The following OAS3 variants were observed in gnomAD, a reference collection of about 807,000 sequenced individuals.
OAS3 encodes the protein 2'-5'-oligoadenylate synthetase 3.
A neutral mutation model predicts 113.0 loss-of-function variants in OAS3; 107 were observed. The observed-to-expected ratio is 0.95, with a 90% CI of 0.81 to 1.11. The LOEUF is 1.11. Ranked by LOEUF, OAS3 falls within the 50% of genes most tolerant of loss-of-function variation. The pLI is 0.00. For synonymous variants in OAS3, 552 were observed against 573.6 expected (o/e 0.96, Z 0.54); for missense variants, 1,258 against 1,389.1 (o/e 0.91, Z 1.50).
At chr12:112,964,588 A>G (rs1423858457) in intron 11 of OAS3, among the ~76,000 whole-genome samples, 180 bp downstream of exon 11, 1 of 151,864 alleles carries the variant, frequency 6.6e-6, no homozygotes, top group Non-Finnish European at 1.5e-5. Flanking sequence ...ATGTCCAACA[A>G]GTCTCTTTTG....
At position 112,965,846 on chromosome 12, in the gene OAS3, C is replaced by T. The variant is rs766861655; in HGVS notation, c.2506C>T (p.Arg836Trp). 4.3e-6 allele frequency: 7 copies of T among 1,613,700 alleles called. No individual in the cohort carries two copies. The highest frequency in any genetic ancestry group is 1.7e-5 in the Admixed American group (1 of 59,986). Reference sequence around the variant, plus strand: ...CCAGTTCACTGAGCAGGGCAACAAGCGGGCCGAGATCATCTCCGAGATCCG... The same window carrying T: ...CCAGTTCACTGAGCAGGGCAACAAGTGGGCCGAGATCATCTCCGAGATCCG... The part of the protein sequence containing the change: ...FSQFTEQGNK[R>W]AEIISEIRAQ... Residue 836 changes from arginine (R) to tryptophan (W), a missense_variant, in exon 12 of 16, where the codon CGG becomes TGG. Transcript: ENST00000228928.
intron 12 of OAS3, 71 bp from the exon 13 acceptor site, chr12:112,967,347 G>A (rs80176230): frequency 0.022 from 30,888 of 1,435,940 alleles, 385 homozygotes; most frequent in Non-Finnish European, 0.026. Flanking sequence ...GATCTCAGAA[G>A]TCCTTTCTAA....
Position 112,944,888 on chromosome 12 carries a change from A to G in OAS3, c.636+237A>G, listed in dbSNP as rs941903314. 3 of 542,084 alleles carry G rather than the reference A, an allele frequency of 5.5e-6. No individual in the cohort carries two copies. The African/African-American group carries it at 5.7e-5, about 10-fold the overall frequency. The allele number at this position is 542,084 out of a possible 1,614,324, so 33.6% of individuals were successfully genotyped here. On this transcript the variant is annotated intron_variant, in intron 3 of 15. Transcript: ENST00000228928. ...TTAGTTAATATAATGCATTCTTCCA[A>G]TAGTCTTCCAGTCTGTGTCTTGGGC... is the stretch of plus-strand genomic sequence containing the variant.
At chr12:112,967,809 G>T in intron 13 of OAS3, 127 bp from the exon 14 acceptor site, 1 of 1,183,012 alleles carries the variant, frequency 8.5e-7, no homozygotes, top group Non-Finnish European at 1.2e-6. Flanking sequence ...ATAATGCATG[G>T]CAAGGCATCT....
intron 7 of OAS3, 69 bp from the exon 8 acceptor site, chr12:112,961,002 T>G: frequency 6.9e-7 from 1 of 1,456,814 alleles, no homozygotes; most frequent in Middle Eastern, 1.7e-4. Context: ...GGCTGGTGAA[T>G]GGATGGGTTG....
intron 15 of OAS3, 25 bp downstream of exon 15, chr12:112,969,780 A>C: frequency 6.2e-7 from 1 of 1,610,204 alleles, no homozygotes; most frequent in South Asian, 1.1e-5. Flanking sequence ...GTGCCAAAGG[A>C]AGTACCCTTT....
intron 7 of OAS3, among the ~76,000 whole-genome samples, chr12:112,958,957 G>A (rs1172079837): frequency 6.6e-6 from 1 of 152,224 alleles, no homozygotes; most frequent in Non-Finnish European, 1.5e-5. Context: ...AGTCTACAGA[G>A]GCAGGCAGGC....
rs2043932032 is a variant in OAS3, at chr12:112,966,178, T to TTC, written c.2689+149_2689+150insTC. The stretch of plus-strand genomic sequence containing the variant: ...TTGTGTATGTTCATCACAACTTTCC[T>TTC]GCAAAGTATCTAAAGAAGAGGGCCC... On this transcript the variant is annotated intron_variant, in intron 12 of 15. Coordinates refer to ENST00000228928, the MANE Select transcript of OAS3 (RefSeq NM_006187.4). The TTC allele has an allele frequency of 3.4e-6, 3 of 872,442 alleles. No homozygotes were observed. In the African/African-American group the frequency reaches 5.1e-5, roughly 15 times the overall value. 54.0% of individuals were successfully genotyped at this position (872,442 alleles called of 1,614,324 possible).
At chr12:112,948,234 G>A (rs1245861569) in intron 5 of OAS3, 135 bp downstream of exon 5, 9 of 859,244 alleles carry the variant, frequency 1.0e-5, no homozygotes, top group African/African-American at 3.5e-5. Flanking sequence ...GGTGGCTCAC[G>A]CCTGTAATCT....
rs1006367498 is a variant in OAS3, at chr12:112,970,247, T to C, written c.*274T>C. The C allele has an allele frequency of 2.2e-5, 12 of 554,050 alleles. No individual in the cohort carries two copies. The Admixed American group carries it at 2.7e-4, about 13-fold the overall frequency. The allele number at this position is 554,050 out of a possible 1,614,324, so 34.3% of individuals were successfully genotyped here. On this transcript the variant is annotated 3_prime_UTR_variant, in exon 16 of 16. Coordinates refer to ENST00000228928, the MANE Select transcript of OAS3 (RefSeq NM_006187.4). ...GTTTGCAGCTTCTCTGTCACTTCCA[T>C]GACTCTATCCTCATACCACCACTGC... is the stretch of plus-strand genomic sequence containing the variant.
intron 6 of OAS3, 62 bp downstream of exon 6, chr12:112,949,267 AGGAGTTACAGCAAT>A (rs1834602196): frequency 5.5e-6 from 8 of 1,447,930 alleles, no homozygotes; most frequent in Non-Finnish European, 3.8e-6. Context: ...GGGGAAGGGA[AGGAGTTACAGCAAT>A]GGAGCTGAGG....
In OAS3 at chr12:112,944,702, C is replaced by T. The variant is rs980206463; in HGVS notation, c.636+51C>T. 8.8e-6 allele frequency: 14 copies of T among 1,588,298 alleles called. No individual in the cohort carries two copies. The African/African-American group carries it at 1.5e-4, about 17-fold the overall frequency. ...CAGACATGTGACTGTTTGCTTTGTG[C>T]TTTCATAGTCGTGAAACTGTTGTCT... On this transcript the variant is annotated intron_variant, in intron 3 of 15. Coordinates refer to ENST00000228928, the MANE Select transcript of OAS3 (RefSeq NM_006187.4).
chr12:112,967,644 T>C, intron 13 of OAS3, 51 bp downstream of exon 13: 1 of 1,569,674 alleles, frequency 6.4e-7, no homozygotes, highest in South Asian at 1.2e-5. Flanking sequence ...GATCTGCCTC[T>C]GGAGCACTTT....
Position 112,948,023 on chromosome 12 carries a change from A to C in OAS3, c.953A>C (p.Gln318Pro). ...GAAWHWDLLA[Q>P]EAASCYDHPC... ...GCCTGGCACTGGGATTTGCTAGCCCAGGAGGCAGCATCCTGCTATGACCAC... is the reference window on the plus strand; with the variant it reads ...GCCTGGCACTGGGATTTGCTAGCCCCGGAGGCAGCATCCTGCTATGACCAC... Residue 318 changes from glutamine (Q) to proline (P), a missense_variant, in exon 5 of 16, where the codon CAG (glutamine) becomes CCG (proline). Transcript: ENST00000228928. 1 of 1,601,724 alleles carries C rather than the reference A, an allele frequency of 6.2e-7. No homozygotes were observed. Among genetic ancestry groups the C allele is most frequent in the South Asian group, 1.1e-5 (1 of 89,660 alleles).
At chr12:112,957,250 C>T (rs1404451637) in intron 7 of OAS3, among the ~76,000 whole-genome samples, 1 of 152,214 alleles carries the variant, frequency 6.6e-6, no homozygotes, top group Admixed American at 6.5e-5. Context: ...TGAGCTGGGT[C>T]TCCTGAATAC....
chr12:112,942,400 T>C (rs1476165073), intron 2 of OAS3: 2 of 166,340 alleles, frequency 1.2e-5, no homozygotes, highest in Admixed American at 5.5e-5. Flanking sequence ...CATTAATATA[T>C]GTAATCAAGC....
chr12:112,944,543 AG>A lies in OAS3; in HGVS notation c.533del (p.Gly178AlafsTer15). The A allele has an allele frequency of 6.2e-7, 1 of 1,614,030 alleles. No individual in the cohort carries two copies. The highest frequency in any genetic ancestry group is 8.5e-7 in the Non-Finnish European group (1 of 1,179,900). On this transcript the variant is annotated frameshift_variant, in exon 3 of 16. Coordinates refer to ENST00000228928, the MANE Select transcript of OAS3 (RefSeq NM_006187.4). LOFTEE classifies it high-confidence loss of function. Reference protein sequence around the residue: ...YSTLLNSGCQGGEHAACFTEL... With the variant: ...YSTLLNSGCQXGEHAACFTEL... ...CTACCCTCCTCAACAGTGGCTGCCA[AG>A]GGGGCGAGCATGCGGCCTGCTTCAC...
chr12:112,955,810 G>A (rs1270043100), intron 7 of OAS3, among the ~76,000 whole-genome samples: 1 of 152,064 alleles, frequency 6.6e-6, no homozygotes, highest in African/African-American at 2.4e-5. Flanking sequence ...TTTTTGTTGT[G>A]TCTCTGCCAG....
intron 7 of OAS3, 59 bp downstream of exon 7, chr12:112,951,034 A>G (rs1204874487): frequency 6.5e-7 from 1 of 1,527,466 alleles, no homozygotes; most frequent in African/African-American, 1.4e-5. Flanking sequence ...CCCATCTAAC[A>G]GGGGCACCTG....
Sources: allele counts gnomAD v4.1 joint callset (sites outside exome capture counted in the v4.1 genomes callset), GRCh38; gene constraint gnomAD v4.1.1; transcripts MANE v1.5; gene names NCBI Gene and HGNC (gene_info 2026-07-23, HGNC 2026-07-21).